RELN: variants seen among roughly 807,000 people sequenced by gnomAD.
RELN encodes reelin.
RELN carries 108 observed loss-of-function variants against 427.6 expected under a neutral mutation model. That is an observed-to-expected ratio of 0.25 (90% confidence interval 0.22 to 0.30). The LOEUF is 0.30. RELN is among the 10% of genes least tolerant of loss of function. The probability of loss-of-function intolerance (pLI) is 1.00; values close to 1 mark genes in which losing one functional copy is unlikely to be tolerated. For missense variants in RELN, 3,715 were observed against 4,302.8 expected (o/e 0.86, Z 3.82); for synonymous variants, 1,524 against 1,513.4 (o/e 1.01, Z -0.16).
rs763009850 is a variant in RELN at position 103,472,803 on chromosome 7, T to C, written c.*9A>G. 2 of 1,608,674 alleles carry C rather than the reference T, an allele frequency of 1.2e-6. No individual in the cohort carries two copies. Among genetic ancestry groups the C allele is most frequent in the Non-Finnish European group, 8.5e-7 (1 of 1,175,066 alleles). On this transcript the variant is annotated 3_prime_UTR_variant, in exon 65 of 65. Transcript: ENST00000428762. Reference sequence around the variant, plus strand: ...ATGTTGGAAGAAAAAAAATAAACTTTTTGATTCTTCATGGGTATCGCCTAA... The same window carrying C: ...ATGTTGGAAGAAAAAAAATAAACTTCTTGATTCTTCATGGGTATCGCCTAA...
chr7:103,906,183 G>C (rs1456787313), intron 2 of RELN, among the ~76,000 whole-genome samples: 2 of 152,040 alleles, frequency 1.3e-5, no homozygotes, highest in East Asian at 3.9e-4. Flanking sequence ...GGTTCTTTGG[G>C]TGATGATAAA....
chr7:103,546,737 C>T (rs1274340260), intron 41 of RELN, among the ~76,000 whole-genome samples: 1 of 152,126 alleles, frequency 6.6e-6, no homozygotes, highest in Non-Finnish European at 1.5e-5. Context: ...AGTGTTCACA[C>T]ATAGTAGATG....
At chr7:103,823,356 TTTG>T (rs1399715461) in intron 3 of RELN, among the ~76,000 whole-genome samples, 25 of 152,244 alleles carry the variant, frequency 1.6e-4, no homozygotes, top group African/African-American at 5.8e-4. Flanking sequence ...CTTAAAATTA[TTTG>T]TTATCTTATA....
intron 2 of RELN, among the ~76,000 whole-genome samples, chr7:103,840,253 C>T (rs1335901088): frequency 6.6e-6 from 1 of 152,202 alleles, no homozygotes. Context: ...ACGAAGTAGC[C>T]TGGATTCCAG....
At chr7:103,912,236 C>T (rs748294382) in intron 2 of RELN, among the ~76,000 whole-genome samples, 3 of 150,502 alleles carry the variant, frequency 2.0e-5, no homozygotes, top group Non-Finnish European at 4.4e-5. Context: ...TGCACTGTTG[C>T]CCAGGCTGGA....
At chr7:103,720,173 T>TGTG (rs1790041484) in intron 8 of RELN, among the ~76,000 whole-genome samples, 8 of 145,600 alleles carry the variant, frequency 5.5e-5, no homozygotes, top group African/African-American at 2.0e-4. Flanking sequence ...TGTATAAACA[T>TGTG]TGTGTGTGTG....
intron 57 of RELN, among the ~76,000 whole-genome samples, chr7:103,493,614 G>A (rs541363085): frequency 6.6e-6 from 1 of 152,160 alleles, no homozygotes; most frequent in Non-Finnish European, 1.5e-5. Context: ...TCTATGGAGA[G>A]AGAAGAAAGT....
In RELN at chr7:103,875,483, T is replaced by C. The variant is rs550858858; in HGVS notation, c.337+41592A>G. Among the ~76,000 whole-genome samples, 4 of 152,262 alleles carry C rather than the reference T, an allele frequency of 2.6e-5. No individual in the cohort carries two copies. The East Asian group carries it at 7.7e-4, about 29-fold the overall frequency. ...TAACAAATTCCAAATTCCAAACATC[T>C]TAACAGACTACATTTTTGAAATACT... On this transcript the variant is annotated intron_variant, in intron 2 of 64. Transcript: ENST00000428762.
chr7:103,848,728 A>G (rs568160136), intron 2 of RELN, among the ~76,000 whole-genome samples: 2 of 152,300 alleles, frequency 1.3e-5, no homozygotes, highest in South Asian at 4.2e-4. Flanking sequence ...GTGGGAAACT[A>G]TATAAAAATG....
At chr7:103,512,309 G>C (rs1829445660) in intron 50 of RELN, among the ~76,000 whole-genome samples, 1 of 152,114 alleles carries the variant, frequency 6.6e-6, no homozygotes, top group Non-Finnish European at 1.5e-5. Context: ...TTGGCCAAAA[G>C]TAAAATAAAA....
intron 2 of RELN, among the ~76,000 whole-genome samples, chr7:103,835,810 T>C (rs1437127770): frequency 6.6e-6 from 1 of 152,146 alleles, no homozygotes; most frequent in Non-Finnish European, 1.5e-5. Flanking sequence ...AATGGCCCAA[T>C]ACATATGACA....
intron 1 of RELN, among the ~76,000 whole-genome samples, chr7:103,960,478 T>C (rs1796527291): frequency 6.6e-6 from 1 of 152,240 alleles, no homozygotes; most frequent in African/African-American, 2.4e-5. Context: ...CTTAGTTTTA[T>C]TTATCTCATC....
At chr7:103,633,868 T>C (rs994468805) in intron 19 of RELN, among the ~76,000 whole-genome samples, 1 of 152,118 alleles carries the variant, frequency 6.6e-6, no homozygotes, top group Non-Finnish European at 1.5e-5. Flanking sequence ...ATGGTTACTA[T>C]GGATAGTCTA....
chr7:103,512,472 T>C (rs1324537039), intron 50 of RELN, among the ~76,000 whole-genome samples: 2 of 152,172 alleles, frequency 1.3e-5, no homozygotes, highest in Non-Finnish European at 2.9e-5. Context: ...CTCCTAAACC[T>C]GATTAACAGT....
intron 41 of RELN, among the ~76,000 whole-genome samples, chr7:103,545,970 C>A (rs189354121): frequency 0.011 from 1,644 of 151,774 alleles, 29 homozygotes; most frequent in Non-Finnish European, 0.011. Context: ...GTATAACTAA[C>A]CTTTTTTAAA....
intron 1 of RELN, among the ~76,000 whole-genome samples, chr7:103,930,208 A>G (rs1165118624): frequency 6.6e-6 from 1 of 152,088 alleles, no homozygotes. Flanking sequence ...GCAGACGTCC[A>G]CATTCTCACT....
At chr7:103,495,659 C>G in intron 57 of RELN, 64 bp downstream of exon 57, 1 of 1,449,232 alleles carries the variant, frequency 6.9e-7, no homozygotes, top group Non-Finnish European at 9.7e-7. Flanking sequence ...GTCTGACTAA[C>G]CATTCTCCCT....
At position 103,646,292 on chromosome 7, in the gene RELN, T is replaced by G. The variant is rs1026254592; in HGVS notation, c.2002+3982A>C. Among the ~76,000 whole-genome samples the G allele has an allele frequency of 4.6e-5, 7 of 151,372 alleles. No homozygotes were observed. The East Asian group carries it at 1.4e-3, about 29-fold the overall frequency. ...AAGATCAGAGCAGAACTAAATGAAA[T>G]AGAGATCAAAAAAAATTCAAAGAAT... On this transcript the variant is annotated intron_variant, in intron 16 of 64. Transcript: ENST00000428762.
intron 1 of RELN, among the ~76,000 whole-genome samples, chr7:103,926,626 AGTTTTTTTTTTTTTTTTT>A (rs1189442578): frequency 8.3e-6 from 1 of 120,460 alleles, no homozygotes; most frequent in Non-Finnish European, 1.7e-5. Context: ...AAGTATCATA[AGTTTTTTTTTTTTTTTTT>A]TTTTTTTTTT....
Sources: gnomAD v4.1 joint callset for allele counts (sites outside exome capture counted in the v4.1 genomes callset) on GRCh38, gnomAD v4.1.1 for gene constraint, MANE v1.5 for transcripts, NCBI Gene and HGNC (gene_info 2026-07-23, HGNC 2026-07-21) for gene names.